Variants in EYS observed in about 807,000 individuals in gnomAD.
EYS encodes EGF-like photoreceptor maintenance factor, also known as protein eyes shut homolog.
EYS carries 250 observed loss-of-function variants against 282.1 expected under a neutral mutation model. The observed-to-expected ratio is 0.89, with a 90% CI of 0.80 to 0.98. EYS has a LOEUF of 0.98. Among genes scored for constraint, EYS ranks in the 50% least tolerant of loss-of-function variants. The probability of loss-of-function intolerance (pLI) is 0.00; values close to 1 mark genes in which losing one functional copy is unlikely to be tolerated. For missense variants in EYS, 4,016 were observed against 3,709.0 expected (o/e 1.08, Z -2.15); for synonymous variants, 1,355 against 1,282.9 (o/e 1.06, Z -1.20).
At chr6:65,656,947 A>T (rs1355794042) in intron 1 of EYS, among the ~76,000 whole-genome samples, 1 of 151,898 alleles carries the variant, frequency 6.6e-6, no homozygotes, top group Non-Finnish European at 1.5e-5. Context: ...TGGTGATTTT[A>T]AAGTTGAAAC....
At chr6:64,293,002 T>A (rs2150366609) in intron 30 of EYS, among the ~76,000 whole-genome samples, 1 of 152,248 alleles carries the variant, frequency 6.6e-6, no homozygotes, top group Non-Finnish European at 1.5e-5. Flanking sequence ...TATATGATCG[T>A]TTCTAAGCTT....
chr6:63,908,236 A>ATGTTG (rs1412957696), intron 35 of EYS, among the ~76,000 whole-genome samples: 10 of 151,632 alleles, frequency 6.6e-5, no homozygotes, highest in African/African-American at 2.4e-4. Context: ...GCTAATCATC[A>ATGTTG]AGAATGCAAA....
chr6:65,082,876 A>T (rs1463936070), intron 12 of EYS, among the ~76,000 whole-genome samples: 1 of 152,004 alleles, frequency 6.6e-6, no homozygotes, highest in African/African-American at 2.4e-5. Context: ...TATTAATCTA[A>T]GTAAATGCAT....
intron 31 of EYS, among the ~76,000 whole-genome samples, chr6:64,154,557 G>A (rs1774853381): frequency 6.6e-6 from 1 of 151,448 alleles, no homozygotes; most frequent in Non-Finnish European, 1.5e-5. Flanking sequence ...TGATAAAATG[G>A]CAGGGTAGCT....
intron 35 of EYS, among the ~76,000 whole-genome samples, chr6:63,970,107 C>A (rs540945776): frequency 6.6e-6 from 1 of 152,156 alleles, no homozygotes; most frequent in Non-Finnish European, 1.5e-5. Flanking sequence ...GGAGACATGG[C>A]GAGGTGGTGA....
chr6:64,368,889 C>A (rs548848191), intron 29 of EYS, among the ~76,000 whole-genome samples: 1 of 152,112 alleles, frequency 6.6e-6, no homozygotes, highest in South Asian at 2.1e-4. Context: ...CTTTGCTGTG[C>A]AGGAGCTCTT....
intron 1 of EYS, among the ~76,000 whole-genome samples, chr6:65,677,151 T>A (rs1768644982): frequency 7.0e-6 from 1 of 142,088 alleles, no homozygotes; most frequent in African/African-American, 2.6e-5. Flanking sequence ...TCTGGTAAGA[T>A]CAGGGATAAG....
intron 13 of EYS, among the ~76,000 whole-genome samples, chr6:65,013,092 T>A (rs1366964826): frequency 6.6e-6 from 1 of 152,184 alleles, no homozygotes; most frequent in African/African-American, 2.4e-5. Flanking sequence ...AAATGAATTG[T>A]CTTTAATGAA....
intron 34 of EYS, among the ~76,000 whole-genome samples, chr6:63,997,575 C>T (rs572766584): frequency 3.9e-4 from 60 of 152,126 alleles, no homozygotes; most frequent in Non-Finnish European, 7.1e-4. Flanking sequence ...TCTCTCTTTA[C>T]CACCCTAAAA....
chr6:64,737,622 A>T (rs1256610925), intron 22 of EYS, among the ~76,000 whole-genome samples: 1 of 152,184 alleles, frequency 6.6e-6, no homozygotes, highest in East Asian at 1.9e-4. Context: ...TATGTTTTGC[A>T]AGTGAGGTCT....
intron 5 of EYS, among the ~76,000 whole-genome samples, chr6:65,430,109 T>C (rs1198874224): frequency 6.6e-6 from 1 of 152,142 alleles, no homozygotes; most frequent in African/African-American, 2.4e-5. Flanking sequence ...TAGAGCAAGA[T>C]GGCAGAATAG....
chr6:64,952,747 C>A (rs1359296333), intron 14 of EYS, among the ~76,000 whole-genome samples: 1 of 151,980 alleles, frequency 6.6e-6, no homozygotes, highest in Non-Finnish European at 1.5e-5. Flanking sequence ...ATGTTAGTTA[C>A]TTATGTACAT....
intron 2 of EYS, among the ~76,000 whole-genome samples, chr6:65,552,415 T>A (rs1191743326): frequency 6.6e-6 from 1 of 152,192 alleles, no homozygotes; most frequent in Non-Finnish European, 1.5e-5. Flanking sequence ...TTTTTAAAAA[T>A]CTTGTAATCA....
At chr6:64,449,187 G>T (rs1775226299) in intron 26 of EYS, among the ~76,000 whole-genome samples, 2 of 152,130 alleles carry the variant, frequency 1.3e-5, no homozygotes, top group Non-Finnish European at 2.9e-5. Flanking sequence ...GAAAACCATG[G>T]CACGAGAACT....
intron 12 of EYS, among the ~76,000 whole-genome samples, chr6:65,187,127 A>T (rs540786993): frequency 6.6e-6 from 1 of 151,926 alleles, no homozygotes; most frequent in East Asian, 1.9e-4. Context: ...CACATTCTTT[A>T]TAGTTTAAAT....
chr6:64,808,095 TCTTCC>T (rs1764492240), intron 22 of EYS, among the ~76,000 whole-genome samples: 2 of 146,916 alleles, frequency 1.4e-5, no homozygotes, highest in Admixed American at 6.8e-5. Flanking sequence ...TCCCTTCCCT[TCTTCC>T]CTTCCCTTCT....
chr6:64,241,475 T>C (rs1040795486), intron 30 of EYS, among the ~76,000 whole-genome samples: 2 of 151,936 alleles, frequency 1.3e-5, no homozygotes, highest in South Asian at 2.1e-4. Context: ...GGAGGGTGTA[T>C]GTGTCCAGGA....
rs562071022 is a variant in EYS, at chr6:64,340,354, C to A, written c.6079-33272G>T. On this transcript the variant is annotated intron_variant, in intron 29 of 42. Transcript: ENST00000503581. ...GGCTATAGTAAACAAAATAGCATGA[C>A]ACTAGTACAAAAACAGACACAAAGA... is the stretch of plus-strand genomic sequence containing the variant. Among the ~76,000 whole-genome samples, 3 of 151,706 alleles carry A rather than the reference C, an allele frequency of 2.0e-5. No homozygotes were observed. In the East Asian group the frequency reaches 5.8e-4, roughly 30 times the overall value.
At chr6:64,245,279 C>A (rs1237691586) in intron 30 of EYS, among the ~76,000 whole-genome samples, 1 of 151,874 alleles carries the variant, frequency 6.6e-6, no homozygotes, top group African/African-American at 2.4e-5. Flanking sequence ...ACTCTTTACT[C>A]AGGTTGTTTT....
Sources: allele counts gnomAD v4.1 joint callset (sites outside exome capture counted in the v4.1 genomes callset), GRCh38; gene constraint gnomAD v4.1.1; transcripts MANE v1.5; gene names NCBI Gene and HGNC (gene_info 2026-07-23, HGNC 2026-07-21).